Variants in GFRA2 observed in about 807,000 individuals in gnomAD.
The protein encoded by GFRA2 is GDNF family receptor alpha 2, also known as GDNF family receptor alpha-2.
In GFRA2, 17 loss-of-function variants were observed where a neutral mutation model predicts 48.3. The observed-to-expected ratio is 0.35, with a 90% CI of 0.24 to 0.53. The LOEUF (loss-of-function observed/expected upper bound fraction) is 0.53, where lower values mean the gene tolerates loss of function less well. Among genes scored for constraint, GFRA2 ranks in the 20% least tolerant of loss-of-function variants. GFRA2 has a pLI of 0.93. For missense variants in GFRA2, 660 were observed against 637.3 expected, an observed-to-expected ratio of 1.04 and a Z score of -0.38; for synonymous variants, 305 against 257.2, an observed-to-expected ratio of 1.19 and a Z score of -1.78.
intron 3 of GFRA2, among the ~76,000 whole-genome samples, chr8:21,766,278 C>T (rs983087706): frequency 2.0e-5 from 3 of 151,990 alleles, no homozygotes; most frequent in Non-Finnish European, 2.9e-5. Context: ...TATTTTAATT[C>T]TCAGCTTGGC....
In GFRA2 at chr8:21,691,796, T is replaced by A. The variant is rs1218472700; in HGVS notation, c.*1482A>T. 6.6e-6 allele frequency: 1 copy of A among 152,362 alleles called. No individual in the cohort carries two copies. Among genetic ancestry groups the A allele is most frequent in the East Asian group, 1.9e-4 (1 of 5,194 alleles). The allele number at this position is 152,362 out of a possible 1,614,324, so 9.4% of individuals were successfully genotyped here. A position where few individuals can be genotyped will look rare whatever the true frequency, so the allele number is the denominator to read the frequency against. On this transcript the variant is annotated 3_prime_UTR_variant, in exon 9 of 9. Transcript: ENST00000524240. ...ACAGCCCACCAGGCTCAGCACAGCG[T>A]GGACCCTCAGATCCCGCCCCCAGTG...
intron 2 of GFRA2, among the ~76,000 whole-genome samples, chr8:21,801,894 G>C (rs1252638732): frequency 1.3e-5 from 2 of 152,192 alleles, no homozygotes; most frequent in Non-Finnish European, 2.9e-5. Flanking sequence ...AGCATGAATG[G>C]GACTCGGGTG....
At chr8:21,709,054 T>G (rs904562125) in intron 4 of GFRA2, among the ~76,000 whole-genome samples, 37 of 152,098 alleles carry the variant, frequency 2.4e-4, no homozygotes, top group African/African-American at 8.7e-4. Context: ...GGCAAGAAGA[T>G]AAAGGCAGGA....
chr8:21,775,774 G>A (rs1287689849), intron 2 of GFRA2, among the ~76,000 whole-genome samples: 1 of 152,134 alleles, frequency 6.6e-6, no homozygotes, highest in Non-Finnish European at 1.5e-5. Flanking sequence ...ACCACCTGCA[G>A]GCTCCTTGGA....
rs371679594 is a variant in GFRA2 at position 21,728,706 on chromosome 8, C to T, written c.794+21882G>A. On this transcript the variant is annotated intron_variant, in intron 4 of 8. Transcript: ENST00000524240. Reference sequence around the variant, plus strand: ...GGCCCTGCTTCAAGTTTCTGCTCGACCTTATCATAAGCCATGTGACCTTGG... The same window carrying T: ...GGCCCTGCTTCAAGTTTCTGCTCGATCTTATCATAAGCCATGTGACCTTGG... Among the ~76,000 whole-genome samples, 222 of 152,294 alleles carry T rather than the reference C, an allele frequency of 1.5e-3. 8 individuals carry two copies. In the South Asian group the frequency reaches 0.045, roughly 31 times the overall value.
chr8:21,763,826 C>A (rs1320381709), intron 3 of GFRA2, among the ~76,000 whole-genome samples: 3 of 151,796 alleles, frequency 2.0e-5, no homozygotes, highest in African/African-American at 7.3e-5. Context: ...CTGCATGAAA[C>A]CCCCTGAGCT....
chr8:21,727,504 G>C (rs1202745017), intron 4 of GFRA2, among the ~76,000 whole-genome samples: 1 of 152,196 alleles, frequency 6.6e-6, no homozygotes, highest in South Asian at 2.1e-4. Context: ...TTGAGCCTCA[G>C]CGCTCCACGC....
chr8:21,799,941 C>A (rs1807742489), intron 2 of GFRA2, among the ~76,000 whole-genome samples: 1 of 152,226 alleles, frequency 6.6e-6, no homozygotes, highest in Non-Finnish European at 1.5e-5. Context: ...TGCCCTCCCA[C>A]AGGTAGTCAG....
chr8:21,728,630 C>G (rs1212233642), intron 4 of GFRA2, among the ~76,000 whole-genome samples: 3 of 152,068 alleles, frequency 2.0e-5, no homozygotes, highest in Non-Finnish European at 4.4e-5. Flanking sequence ...GTCCATGGAC[C>G]ACATCTGGAG....
In GFRA2 at chr8:21,693,260, T is replaced by C. The variant is rs765879698; in HGVS notation, c.*18A>G. On this transcript the variant is annotated 3_prime_UTR_variant, in exon 9 of 9. Transcript: ENST00000524240. ...GTCTGCGTAGCTTTCAAAAATATTCTGACTCGGTTCCCACAGCCTACAAGG... is the reference window on the plus strand; with the variant it reads ...GTCTGCGTAGCTTTCAAAAATATTCCGACTCGGTTCCCACAGCCTACAAGG... 3.1e-6 allele frequency: 5 copies of C among 1,600,550 alleles called. No homozygotes were observed. In the East Asian group the frequency reaches 9.0e-5, roughly 29 times the overall value.
intron 4 of GFRA2, among the ~76,000 whole-genome samples, chr8:21,744,080 C>T (rs1804875876): frequency 6.6e-6 from 1 of 152,182 alleles, no homozygotes; most frequent in Admixed American, 6.5e-5. Context: ...CATCAGCCAA[C>T]AGATCCTATG....
chr8:21,741,760 A>G (rs1053427775), intron 4 of GFRA2, among the ~76,000 whole-genome samples: 2 of 152,066 alleles, frequency 1.3e-5, no homozygotes, highest in East Asian at 1.9e-4. Context: ...CGTCTGTACT[A>G]AAAATACAAA....
chr8:21,785,541 C>T (rs770905530), intron 1 of GFRA2, among the ~76,000 whole-genome samples: 41 of 152,314 alleles, frequency 2.7e-4, no homozygotes, highest in South Asian at 8.3e-4. Flanking sequence ...CATCAAGACA[C>T]AGGGAGTAGC....
Position 21,786,566 on chromosome 8 carries a change from C to T in GFRA2, c.40+1554G>A, listed in dbSNP as rs1233867648. On this transcript the variant is annotated intron_variant, in intron 1 of 8. Coordinates refer to ENST00000524240, the MANE Select transcript of GFRA2 (RefSeq NM_001495.5). ...TTGCCAGGGTTGACAGGAAGGGCTT[C>T]GGGATCACAGCGGGCCCAGAGCAAC... Among the ~76,000 whole-genome samples the T allele has an allele frequency of 3.9e-5, 6 of 152,334 alleles. No individual in the cohort carries two copies. In the South Asian group the frequency reaches 1.0e-3, roughly 26 times the overall value.
intron 1 of GFRA2, among the ~76,000 whole-genome samples, chr8:21,810,798 G>A (rs569294701): frequency 6.6e-6 from 1 of 152,296 alleles, no homozygotes; most frequent in South Asian, 2.1e-4. Flanking sequence ...GCACTGAGGT[G>A]TAAGTGAGGC....
At position 21,721,181 on chromosome 8, in the gene GFRA2, C is replaced by T. The variant is rs147674347; in HGVS notation, c.795-15140G>A. Among the ~76,000 whole-genome samples the T allele has an allele frequency of 3.7e-3, 556 of 152,296 alleles. 2 individuals are homozygous for T. Among genetic ancestry groups the T allele is most frequent in the African/African-American group, 0.013 (536 of 41,550 alleles). ...GGCAGATCTTCAGCTAGCAGCAAAG[C>T]AAAATGTATCAATGTTTCATTAACT... On this transcript the variant is annotated intron_variant, in intron 4 of 8. Transcript: ENST00000524240.
intron 3 of GFRA2, among the ~76,000 whole-genome samples, chr8:21,760,279 G>A (rs899791253): frequency 6.6e-6 from 1 of 152,220 alleles, no homozygotes; most frequent in Non-Finnish European, 1.5e-5. Context: ...ACATGGAACT[G>A]AGGGTATATC....
chr8:21,796,743 T>G (rs1339986912), intron 2 of GFRA2, among the ~76,000 whole-genome samples: 1 of 152,198 alleles, frequency 6.6e-6, no homozygotes, highest in Non-Finnish European at 1.5e-5. Flanking sequence ...TGGTATCCTA[T>G]CTCTCTTTCC....
At chr8:21,757,652 C>A (rs1805642388) in intron 3 of GFRA2, among the ~76,000 whole-genome samples, 1 of 152,132 alleles carries the variant, frequency 6.6e-6, no homozygotes, top group Non-Finnish European at 1.5e-5. Flanking sequence ...CCTGCCACCA[C>A]ACTCAGCTAA....
Sources: gnomAD v4.1 joint callset for allele counts (sites outside exome capture counted in the v4.1 genomes callset) on GRCh38, gnomAD v4.1.1 for gene constraint, MANE v1.5 for transcripts, NCBI Gene and HGNC (gene_info 2026-07-23, HGNC 2026-07-21) for gene names.